Variants in ERG observed in about 807,000 individuals in gnomAD.
The protein encoded by ERG is transcriptional regulator ERG.
A neutral mutation model predicts 55.3 loss-of-function variants in ERG; 9 were observed. The observed-to-expected ratio is 0.16, with a 90% CI of 0.10 to 0.28. The LOEUF (loss-of-function observed/expected upper bound fraction) is 0.28. Among genes scored for constraint, ERG ranks in the 10% least tolerant of loss-of-function variants. ERG has a pLI of 1.00. For synonymous variants in ERG, 223 were observed against 237.3 expected, an observed-to-expected ratio of 0.94 and a Z score of 0.55; for missense variants, 434 against 631.6, an observed-to-expected ratio of 0.69 and a Z score of 3.35.
At chr21:38,552,702 T>C (rs1036315741) in intron 2 of ERG, among the ~76,000 whole-genome samples, 9 of 116,708 alleles carry the variant, frequency 7.7e-5, no homozygotes, top group Non-Finnish European at 1.7e-4. Flanking sequence ...AACAGCCATC[T>C]ATGACAAACC....
chr21:38,475,204 C>T (rs551973140), intron 1 of ERG, among the ~76,000 whole-genome samples: 1 of 152,192 alleles, frequency 6.6e-6, no homozygotes, highest in Admixed American at 6.5e-5. Context: ...ATATATAAAG[C>T]CAGCCCCACC....
intron 1 of ERG, among the ~76,000 whole-genome samples, chr21:38,497,683 C>T (rs1009427356): frequency 1.3e-5 from 2 of 152,146 alleles, no homozygotes; most frequent in Admixed American, 6.5e-5. Flanking sequence ...GAGAACCGAC[C>T]GGCCATTGCT....
intron 6 of ERG, 91 bp downstream of exon 6, chr21:38,400,483 T>C (rs1988434820): frequency 3.0e-6 from 3 of 1,008,384 alleles, no homozygotes; most frequent in South Asian, 1.3e-5. Context: ...CGGGATCAGC[T>C]CTCTTTGTAT....
chr21:38,634,915 G>A (rs1198320480), intron 1 of ERG, among the ~76,000 whole-genome samples: 4 of 152,260 alleles, frequency 2.6e-5, no homozygotes, highest in Admixed American at 2.6e-4. Flanking sequence ...TCCTTATATA[G>A]GTGAATGGAT....
chr21:38,545,442 G>C (rs2059782035), intron 2 of ERG, among the ~76,000 whole-genome samples: 1 of 151,950 alleles, frequency 6.6e-6, no homozygotes, highest in Admixed American at 6.6e-5. Context: ...CTGCGCCCCT[G>C]AGACAGACAC....
At chr21:38,466,332 T>TGTGTGTGTGTGA (rs1168566229) in intron 1 of ERG, among the ~76,000 whole-genome samples, 26 of 150,846 alleles carry the variant, frequency 1.7e-4, no homozygotes, top group Admixed American at 4.0e-4. Context: ...TGTGTGTGTG[T>TGTGTGTGTGTGA]GATATAGATA....
At chr21:38,576,828 C>T (rs374177012) in intron 1 of ERG, among the ~76,000 whole-genome samples, 68 of 152,156 alleles carry the variant, frequency 4.5e-4, no homozygotes, top group African/African-American at 6.5e-4. Flanking sequence ...CCTCCCTGGG[C>T]GCTTGGTTAT....
chr21:38,659,977 C>G lies in ERG; in HGVS notation c.-150+1681G>C, dbSNP rs76590500. On this transcript the variant is annotated intron_variant, in intron 1 of 10. Transcript: ENST00000398910. ...GGGTGGTAAACTGGAGGCAAATAAA[C>G]TTAACAGCTGCAGGCTGAAGAATGG... Among the ~76,000 whole-genome samples, 187 of 152,272 alleles carry G rather than the reference C, an allele frequency of 1.2e-3. 2 individuals carry two copies. The East Asian group carries it at 0.033, about 27-fold the overall frequency.
chr21:38,508,647 T>C (rs947740611), intron 2 of ERG, among the ~76,000 whole-genome samples: 7 of 152,232 alleles, frequency 4.6e-5, no homozygotes, highest in Non-Finnish European at 8.8e-5. Flanking sequence ...TCAGAAACCA[T>C]TAGAATGGTA....
At chr21:38,572,111 C>T (rs2059961492) in intron 2 of ERG, among the ~76,000 whole-genome samples, 1 of 151,396 alleles carries the variant, frequency 6.6e-6, no homozygotes, top group East Asian at 1.9e-4. Context: ...AATCCCAGCA[C>T]TTTGGGAGGC....
At chr21:38,592,951 C>T (rs1213184544) in intron 1 of ERG, among the ~76,000 whole-genome samples, 2 of 152,180 alleles carry the variant, frequency 1.3e-5, no homozygotes, top group Non-Finnish European at 2.9e-5. Context: ...TGCGTCTTCC[C>T]ATTTTTTATG....
chr21:38,418,950 AG>A (rs1209536876), intron 3 of ERG, among the ~76,000 whole-genome samples: 33 of 132,514 alleles, frequency 2.5e-4, no homozygotes, highest in Non-Finnish European at 4.0e-4. Flanking sequence ...AAAAAAAAAA[AG>A]AAAGAAAGAA....
intron 2 of ERG, among the ~76,000 whole-genome samples, chr21:38,530,349 T>C (rs1012278955): frequency 6.6e-6 from 1 of 152,178 alleles, no homozygotes; most frequent in Non-Finnish European, 1.5e-5. Context: ...AGTGAGCCAC[T>C]GCGTCCAGCA....
intron 1 of ERG, chr21:38,451,293 G>A (rs1407162881): frequency 4.3e-6 from 2 of 465,140 alleles, no homozygotes; most frequent in East Asian, 6.5e-5. Context: ...GAGCCTAGGG[G>A]ATGTGTAGCA....
At chr21:38,660,267 GCGGTGTGCTCT>G (rs1289345707) in intron 1 of ERG, among the ~76,000 whole-genome samples, 3 of 152,222 alleles carry the variant, frequency 2.0e-5, no homozygotes, top group Non-Finnish European at 2.9e-5. Context: ...TGAAGTCCCC[GCGGTGTGCTCT>G]CCTGGCCCTT....
intron 2 of ERG, among the ~76,000 whole-genome samples, chr21:38,572,451 A>G (rs1433085362): frequency 6.6e-6 from 1 of 152,090 alleles, no homozygotes; most frequent in Non-Finnish European, 1.5e-5. Flanking sequence ...CTTCTCGCAC[A>G]TGAAATTTTA....
At chr21:38,636,390 G>A (rs1326393614) in intron 1 of ERG, among the ~76,000 whole-genome samples, 1 of 152,198 alleles carries the variant, frequency 6.6e-6, no homozygotes, top group African/African-American at 2.4e-5. Flanking sequence ...GGAGGAGCAG[G>A]AGGGCAAGGA....
Position 38,483,800 on chromosome 21 carries a change from G to A in ERG, c.18+14563C>T, listed in dbSNP as rs149112201. Among the ~76,000 whole-genome samples, 751 of 152,242 alleles carry A rather than the reference G, an allele frequency of 4.9e-3. 8 individuals carry two copies. The highest frequency in any genetic ancestry group is 0.017 in the African/African-American group (697 of 41,538). On this transcript the variant is annotated intron_variant, in intron 1 of 9. Coordinates refer to ENST00000288319, the MANE Select transcript of ERG (RefSeq NM_182918.4). ...ATCTCTTGAACCCCGGGAGAGGGTG[G>A]AGGTTGCAGTGAGCCAAGATTGCAC...
At chr21:38,525,367 C>G (rs1373249600) in intron 2 of ERG, among the ~76,000 whole-genome samples, 2 of 152,186 alleles carry the variant, frequency 1.3e-5, no homozygotes, top group Admixed American at 1.3e-4. Flanking sequence ...TTTCCTGCCT[C>G]TAACAGACGA....
Sources: allele counts gnomAD v4.1 joint callset (sites outside exome capture counted in the v4.1 genomes callset), GRCh38; gene constraint gnomAD v4.1.1; transcripts MANE v1.5; gene names NCBI Gene and HGNC (gene_info 2026-07-23, HGNC 2026-07-21).